The following LRRC37B variants were observed in gnomAD, a reference collection of about 807,000 sequenced individuals.
LRRC37B encodes the protein leucine-rich repeat-containing protein 37B.
LRRC37B carries 28 observed loss-of-function variants against 98.3 expected under a neutral mutation model. That is an observed-to-expected ratio of 0.28 (90% CI 0.21 to 0.39). The LOEUF is 0.39. Ranked by LOEUF, LRRC37B falls within the 10% of genes least tolerant of loss-of-function variation. The pLI is 1.00. For missense variants in LRRC37B, 938 were observed against 1,182.7 expected, an observed-to-expected ratio of 0.79 and a Z score of 3.03; for synonymous variants, 364 against 442.7, an observed-to-expected ratio of 0.82 and a Z score of 2.23.
chr17:32,053,335 G>A (rs376491498), exon 12 of LRRC37B: 48 of 1,597,772 alleles, frequency 3.0e-5, no homozygotes, highest in Admixed American at 5.3e-5. Context: ...CTGAGCATGA[G>A]TTAAAGCATG....
chr17:32,027,540 T>A (rs953904899), intron 2 of LRRC37B, among the ~76,000 whole-genome samples: 2 of 151,448 alleles, frequency 1.3e-5, no homozygotes, highest in Non-Finnish European at 2.9e-5. Flanking sequence ...TGTGTGTGTG[T>A]GTGCCTGCAA....
intron 1 of LRRC37B, among the ~76,000 whole-genome samples, chr17:32,023,992 TAAAG>T (rs1910876004): frequency 6.6e-6 from 1 of 151,746 alleles, no homozygotes; most frequent in African/African-American, 2.4e-5. Context: ...ACTTGGGTCT[TAAAG>T]AGTACACAAT....
Position 32,044,385 on chromosome 17 carries a change from CA to C in LRRC37B, c.2205-1314del, listed in dbSNP as rs561116529. Among the ~76,000 whole-genome samples, 426 of 152,314 alleles carry C rather than the reference CA, an allele frequency of 2.8e-3. 2 individuals are homozygous for C. The highest frequency in any genetic ancestry group is 0.01 in the African/African-American group (418 of 41,560). ...CTCTACTTTTTTTGATCTTTCATGA[CA>C]TTGGCATTTTTTGAGTCAAAGATAG... On this transcript the variant is annotated intron_variant, in intron 7 of 11. Coordinates refer to ENST00000327564, the Ensembl canonical transcript of LRRC37B.
chr17:32,035,626 G>C (rs1911225828), exon 7 of LRRC37B: 1 of 1,609,376 alleles, frequency 6.2e-7, no homozygotes, highest in Non-Finnish European at 8.5e-7. Context: ...GATGACTGTT[G>C]AACTGGAAAA....
Position 32,049,408 on chromosome 17 carries a change from A to G in LRRC37B, c.2757+14A>G, listed in dbSNP as rs1007306634. ...AAGTCAAGTGAGGTGAGGACCACAC[A>G]GAAACATGAGACCCAGATTTCCCAT... On this transcript the variant is annotated intron_variant, in intron 10 of 11. Coordinates refer to ENST00000327564, the Ensembl canonical transcript of LRRC37B. 1.9e-6 allele frequency: 3 copies of G among 1,601,322 alleles called. No individual in the cohort carries two copies. The highest frequency in any genetic ancestry group is 1.7e-5 in the Admixed American group (1 of 59,080).
At chr17:32,041,735 G>A (rs949551997) in intron 7 of LRRC37B, 2 of 457,672 alleles carry the variant, frequency 4.4e-6, no homozygotes, top group Admixed American at 2.3e-5. Context: ...TTAAACTAGC[G>A]CTGACCCCTA....
intron 7 of LRRC37B, chr17:32,041,094 T>G (rs781075393): frequency 2.2e-4 from 172 of 767,272 alleles, no homozygotes; most frequent in Admixed American, 3.8e-4. Context: ...GCAGCTGAAC[T>G]ACCACTGGCA....
intron 7 of LRRC37B, among the ~76,000 whole-genome samples, chr17:32,039,500 ATATATATATATATATATATATATG>A (rs201804001): frequency 0.044 from 2,311 of 53,064 alleles, 251 homozygotes; most frequent in African/African-American, 0.16. Flanking sequence ...ATATATATAT[ATATATATATATATATATATATATG>A]TATGTATTTT....
intron 1 of LRRC37B, among the ~76,000 whole-genome samples, chr17:32,023,117 C>G (rs546839881): frequency 1.3e-3 from 198 of 148,564 alleles, no homozygotes; most frequent in African/African-American, 4.4e-3. Flanking sequence ...TTCGCTTCAC[C>G]CTCTTTTTTT....
Position 32,024,365 on chromosome 17 carries a change from G to A in LRRC37B, c.1761-346G>A, listed in dbSNP as rs1910884532. On this transcript the variant is annotated intron_variant, in intron 1 of 11. Coordinates refer to ENST00000327564, the Ensembl canonical transcript of LRRC37B. ...AAGATAAGCTTATGCCCATTTTTCT[G>A]TTGAATTATTTACCATTTTTGTGTT... 23 of 586,908 alleles carry A rather than the reference G, an allele frequency of 3.9e-5. No homozygotes were observed. The South Asian group carries it at 4.7e-4, about 12-fold the overall frequency. The allele number at this position is 586,908 out of a possible 1,614,324, so 36.4% of individuals were successfully genotyped here.
intron 7 of LRRC37B, chr17:32,036,346 A>G (rs1196638221): frequency 5.3e-5 from 8 of 152,192 alleles, no homozygotes; most frequent in Non-Finnish European, 7.3e-5. Context: ...TGTTGCCCCT[A>G]TCAGTACAGC....
chr17:32,011,303 ACTTTTTTAATGGCTGAATAATATC>A (rs1349744893), intron 1 of LRRC37B, among the ~76,000 whole-genome samples: 2 of 150,126 alleles, frequency 1.3e-5, no homozygotes, highest in Middle Eastern at 3.3e-3. Context: ...CCCGGATTTC[ACTTTTTTAATGGCTGAATAATATC>A]CTATCGTGCA....
At chr17:32,033,750 C>G (rs1290631812) in intron 5 of LRRC37B, among the ~76,000 whole-genome samples, 1 of 152,074 alleles carries the variant, frequency 6.6e-6, no homozygotes, top group Non-Finnish European at 1.5e-5. Context: ...TTTATTTCTT[C>G]CTGTTTCTTT....
chr17:32,034,610 T>C (rs8066156), intron 5 of LRRC37B, among the ~76,000 whole-genome samples: 30,202 of 151,676 alleles, frequency 0.2, 3,908 homozygotes, highest in African/African-American at 0.36. Flanking sequence ...CTACCAACAT[T>C]GTCATTTCTA....
At chr17:32,032,934 T>C (rs1015131146) in intron 5 of LRRC37B, among the ~76,000 whole-genome samples, 1 of 152,120 alleles carries the variant, frequency 6.6e-6, no homozygotes, top group African/African-American at 2.4e-5. Context: ...AAGGCTGAGG[T>C]GGGTGGATCA....
chr17:32,012,827 G>A (rs951304411), intron 1 of LRRC37B, among the ~76,000 whole-genome samples: 1 of 152,180 alleles, frequency 6.6e-6, no homozygotes, highest in African/African-American at 2.4e-5. Flanking sequence ...GACCAACCTG[G>A]CTAAGATGGT....
chr17:32,034,060 G>GTGGGAGTATGTGA (rs1382605939), intron 5 of LRRC37B: 1 of 152,172 alleles, frequency 6.6e-6, no homozygotes, highest in Non-Finnish European at 1.5e-5. Context: ...AGGAAGACAA[G>GTGGGAGTATGTGA]TGGGAGTATG....
chr17:32,025,057 G>A (rs55893730), intron 2 of LRRC37B, among the ~76,000 whole-genome samples: 1 of 58,728 alleles, frequency 1.7e-5, no homozygotes, highest in Non-Finnish European at 3.0e-5. Flanking sequence ...TTTTTTCAGA[G>A]ACAAGGTCTT....
At chr17:32,053,302 G>A in exon 12 of LRRC37B, 2 of 1,610,710 alleles carry the variant, frequency 1.2e-6, no homozygotes, top group South Asian at 2.2e-5. Context: ...AAAATACAAA[G>A]ACAACCCATC....
Sources: allele counts gnomAD v4.1 joint callset (sites outside exome capture counted in the v4.1 genomes callset), GRCh38; gene constraint gnomAD v4.1.1; transcripts MANE v1.5; gene names NCBI Gene and HGNC (gene_info 2026-07-23, HGNC 2026-07-21).